The following MUC21 variants were observed in gnomAD, a reference collection of about 807,000 sequenced individuals.
MUC21 encodes mucin 21, cell surface associated, also known as mucin-21.
In MUC21, 8 loss-of-function variants were observed where a neutral mutation model predicts 9.1. The ratio of observed to expected loss-of-function variants is 0.88; its 90% CI spans 0.52 to 1.59. MUC21 has a LOEUF of 1.59. MUC21 is among the 40% of genes most tolerant of loss of function. MUC21 has a pLI of 0.00. For missense variants in MUC21, 478 were observed against 694.2 expected, an observed-to-expected ratio of 0.69 and a Z score of 3.50; for synonymous variants, 189 against 275.2, an observed-to-expected ratio of 0.69 and a Z score of 3.10.
Position 30,987,626 on chromosome 6 carries a change from C to A in MUC21, c.1451C>A (p.Thr484Asn), listed in dbSNP as rs368559008. The change falls in exon 2 of 3, where the codon ACC becomes AAC. Residue 484 changes from threonine to asparagine, a missense_variant. Physicochemically the swap from Thr to Asn is moderately conservative, Grantham distance 65. This residue lies in a region of MUC21 where 158 missense variants were observed against 192.6 expected (regional missense o/e 0.82). Coordinates refer to ENST00000376296, the MANE Select transcript of MUC21 (RefSeq NM_001010909.5). ...SLVPWEIFLITLVSVVAAVGL... is the reference protein window; with the variant it reads ...SLVPWEIFLINLVSVVAAVGL... ...GTGCCGTGGGAAATCTTCCTCATCACCCTGGTCTCGGTTGTGGCGGCCGTG... is the reference window on the plus strand; with the variant it reads ...GTGCCGTGGGAAATCTTCCTCATCAACCTGGTCTCGGTTGTGGCGGCCGTG... 7 of 1,614,218 alleles carry A rather than the reference C, an allele frequency of 4.3e-6. No homozygotes were observed. The South Asian group carries it at 5.5e-5, about 13-fold the overall frequency.
At chr6:30,984,252 A>G in intron 1 of MUC21, 1 of 477,792 alleles carries the variant, frequency 2.1e-6, no homozygotes, top group Non-Finnish European at 3.7e-6. Context: ...CCATCTATTA[A>G]CTGTGTACTT....
At chr6:30,984,712 C>T (rs1352129806) in intron 1 of MUC21, among the ~76,000 whole-genome samples, 1 of 151,806 alleles carries the variant, frequency 6.6e-6, no homozygotes, top group African/African-American at 2.4e-5. Flanking sequence ...CAGTGGCTCA[C>T]GCCTGTAATC....
intron 2 of MUC21, 149 bp from the exon 3 acceptor site, chr6:30,987,851 C>T (rs1352618340): frequency 1.4e-5 from 17 of 1,216,566 alleles, no homozygotes; most frequent in Middle Eastern, 2.4e-4. Context: ...TGCTGACCTG[C>T]GGGAAAAGGG....
chr6:30,984,104 G>C, intron 1 of MUC21, 85 bp downstream of exon 1: 1 of 746,338 alleles, frequency 1.3e-6, no homozygotes, highest in South Asian at 1.4e-5. Flanking sequence ...GGCCAGCTCT[G>C]CTTCTCTTCC....
In MUC21 at chr6:30,986,789, G is replaced by C; in HGVS notation, c.614G>C (p.Ser205Thr). 6.2e-7 allele frequency: 1 copy of C among 1,601,544 alleles called. No homozygotes were observed. The highest frequency in any genetic ancestry group is 1.7e-5 in the Admixed American group (1 of 59,142). ...AACTCTGAGTCCAGCACAACCTCCA[G>C]TGGGGCCAGCACAGCCACCAACTCT... ...ATNSESSTTS[S>T]GASTATNSES... The change falls in exon 2 of 3, where the codon AGT (serine) becomes ACT (threonine). Residue 205 changes from serine to threonine, a missense_variant. Coordinates refer to ENST00000376296, the MANE Select transcript of MUC21 (RefSeq NM_001010909.5).
chr6:30,985,328 G>A (rs9295938), intron 1 of MUC21, among the ~76,000 whole-genome samples: 19,016 of 152,148 alleles, frequency 0.12, 1,453 homozygotes, highest in East Asian at 0.34. Flanking sequence ...AGGGCCCCTG[G>A]AACTTGAATG....
intron 2 of MUC21, 48 bp from the exon 3 acceptor site, chr6:30,987,952 T>A: frequency 3.0e-6 from 3 of 987,478 alleles, no homozygotes; most frequent in Non-Finnish European, 4.9e-6. Context: ...GGTAAAGGCG[T>A]GGGAGACAGG....
rs750766231 is a variant in MUC21 at position 30,986,485 on chromosome 6, A to T, written c.310A>T (p.Ile104Leu). 9 of 1,601,544 alleles carry T rather than the reference A, an allele frequency of 5.6e-6. No individual in the cohort carries two copies. Among genetic ancestry groups the T allele is most frequent in the Middle Eastern group, 3.3e-4 (2 of 6,044 alleles). ...EFSTVSSGIS[I>L]ATNSESSTTS... is the part of the protein sequence containing the mutation. Reference sequence around the variant, plus strand: ...CAGCACAGTGTCCAGTGGGATCAGCATAGCCACCAACTCTGAGTCCAGCAC... The same window carrying T: ...CAGCACAGTGTCCAGTGGGATCAGCTTAGCCACCAACTCTGAGTCCAGCAC... Residue 104 changes from isoleucine to leucine, a missense_variant, in exon 2 of 3, where the codon ATA (isoleucine) becomes TTA (leucine). This residue lies in a region of MUC21 where 53 missense variants were observed against 139.1 expected (regional missense o/e 0.38). Transcript: ENST00000376296.
Position 30,986,856 on chromosome 6 carries a change from C to A in MUC21, c.681C>A (p.Asn227Lys), listed in dbSNP as rs1331154873. ...CCAATGGGGCTGGCACAGCCACCAA[C>A]TCTGAGTCCAGCACGACCTCCAGTG... Reference protein sequence around the residue: ...TTSNGAGTATNSESSTTSSGA... With the variant: ...TTSNGAGTATKSESSTTSSGA... The change falls in exon 2 of 3, where the codon AAC (asparagine) becomes AAA (lysine). Residue 227 changes from asparagine to lysine, a missense_variant. This residue lies in a region of MUC21 where 155 missense variants were observed against 235.2 expected (regional missense o/e 0.66). Coordinates refer to ENST00000376296, the MANE Select transcript of MUC21 (RefSeq NM_001010909.5). 3.1e-6 allele frequency: 5 copies of A among 1,590,204 alleles called. No homozygotes were observed. Among genetic ancestry groups the A allele is most frequent in the African/African-American group, 1.4e-5 (1 of 73,210 alleles).
rs1311307530 is a variant in MUC21 at position 30,986,701 on chromosome 6, G to A, written c.526G>A (p.Gly176Arg). ...TNSESSTTSS[G>R]ASTATNSESS... Reference sequence around the variant, plus strand: ...CTCTGAGTCCAGCACAACCTCCAGTGGGGCCAGCACAGCCACCAACTCTGA... The same window carrying A: ...CTCTGAGTCCAGCACAACCTCCAGTAGGGCCAGCACAGCCACCAACTCTGA... The change falls in exon 2 of 3, where the codon GGG (glycine) becomes AGG (arginine). Residue 176 changes from glycine to arginine, a missense_variant. Around this residue, in one of 5 missense-constraint regions of MUC21, gnomAD observed 53 missense variants for 139.1 expected, o/e 0.38. Transcript: ENST00000376296. 6.3e-7 allele frequency: 1 copy of A among 1,587,756 alleles called. No individual in the cohort carries two copies.
Position 30,987,996 on chromosome 6 carries a change from T to G in MUC21, c.1507-4T>G. ...TCTGAAACTATTGACTCTTCTTTTT[T>G]TAGAGAAACAGCCTGTCCCTGAGAA... On this transcript the variant is annotated splice_polypyrimidine_tract_variant and splice_region_variant and intron_variant, in intron 2 of 2. Transcript: ENST00000376296. 1 of 1,136,038 alleles carries G rather than the reference T, an allele frequency of 8.8e-7. No homozygotes were observed. The highest frequency in any genetic ancestry group is 1.3e-6 in the Non-Finnish European group (1 of 744,482). 70.4% of individuals were successfully genotyped at this position (1,136,038 alleles called of 1,614,324 possible).
intron 1 of MUC21, among the ~76,000 whole-genome samples, chr6:30,985,259 C>T (rs1445554647): frequency 6.6e-6 from 1 of 152,114 alleles, no homozygotes; most frequent in Non-Finnish European, 1.5e-5. Flanking sequence ...TTCCTGGGAG[C>T]TCTTATGTAT....
intron 1 of MUC21, among the ~76,000 whole-genome samples, chr6:30,984,601 C>T (rs187273357): frequency 1.3e-5 from 2 of 152,138 alleles, no homozygotes; most frequent in African/African-American, 2.4e-5. Flanking sequence ...ACCCGGGAGG[C>T]GGAGGTTGCA....
chr6:30,988,225 A>G lies in MUC21; in HGVS notation c.*31A>G, dbSNP rs772456928. The G allele has an allele frequency of 6.3e-7, 1 of 1,584,512 alleles. No individual in the cohort carries two copies. Among genetic ancestry groups the G allele is most frequent in the South Asian group, 1.1e-5 (1 of 88,416 alleles). On this transcript the variant is annotated 3_prime_UTR_variant, in exon 3 of 3. Transcript: ENST00000376296. ...CCCGGAAGCAAGTGCCGCATTCTTCAGGAAGGAAGAGACCTGGGCACCCAA... is the reference window on the plus strand; with the variant it reads ...CCCGGAAGCAAGTGCCGCATTCTTCGGGAAGGAAGAGACCTGGGCACCCAA...
chr6:30,988,182 C>A lies in MUC21; in HGVS notation c.1689C>A (p.Asn563Lys). The A allele has an allele frequency of 6.2e-7, 1 of 1,611,584 alleles. No homozygotes were observed. The change falls in exon 3 of 3, where the codon AAC becomes AAA. Residue 563 changes from asparagine to lysine, a missense_variant. Physicochemically the swap from Asn to Lys is moderately conservative, Grantham distance 94. This residue lies in a region of MUC21 where 158 missense variants were observed against 192.6 expected (regional missense o/e 0.82). Transcript: ENST00000376296. ...TAGCCATGGAGATGAGCGGGAGGAA[C>A]AGCGGGCCCTGAGCAGCCCCGGAAG... ...SSIAMEMSGR[N>K]SGP is the part of the protein sequence containing the mutation.
chr6:30,987,758 G>A lies in MUC21; in HGVS notation c.1506+77G>A. ...CAAGGAAATGGGTGTGAATAGAAGGGGTCTCAAGTCAGGGGTGGGTAGGGA... is the reference window on the plus strand; with the variant it reads ...CAAGGAAATGGGTGTGAATAGAAGGAGTCTCAAGTCAGGGGTGGGTAGGGA... On this transcript the variant is annotated intron_variant, in intron 2 of 2. Coordinates refer to ENST00000376296, the MANE Select transcript of MUC21 (RefSeq NM_001010909.5). The A allele has an allele frequency of 2.6e-6, 4 of 1,555,330 alleles. No individual in the cohort carries two copies. In the South Asian group the frequency reaches 4.9e-5, roughly 19 times the overall value.
At chr6:30,985,452 A>C (rs921019223) in intron 1 of MUC21, among the ~76,000 whole-genome samples, 3 of 152,244 alleles carry the variant, frequency 2.0e-5, no homozygotes, top group Non-Finnish European at 4.4e-5. Flanking sequence ...TGCTCCCTTA[A>C]GTAATTCTGA....
In MUC21 at chr6:30,988,220, T is replaced by C; in HGVS notation, c.*26T>C. On this transcript the variant is annotated 3_prime_UTR_variant, in exon 3 of 3. Transcript: ENST00000376296. ...GCAGCCCCGGAAGCAAGTGCCGCAT[T>C]CTTCAGGAAGGAAGAGACCTGGGCA... The C allele has an allele frequency of 6.3e-7, 1 of 1,593,920 alleles. No individual in the cohort carries two copies.
In MUC21 at chr6:30,988,517, CA is replaced by C. The variant is rs1417907846; in HGVS notation, c.*327del. ...TCCATGCTGGACTCCATCTGGCATT[CA>C]AAATCTCCACAGTAAAATCCAAAGA... is the stretch of plus-strand genomic sequence containing the variant. On this transcript the variant is annotated 3_prime_UTR_variant, in exon 3 of 3. Coordinates refer to ENST00000376296, the MANE Select transcript of MUC21 (RefSeq NM_001010909.5). 3.4e-6 allele frequency: 1 copy of C among 295,926 alleles called. No homozygotes were observed. Among genetic ancestry groups the C allele is most frequent in the Non-Finnish European group, 6.1e-6 (1 of 163,068 alleles). The allele number at this position is 295,926 out of a possible 1,614,324, so 18.3% of individuals were successfully genotyped here. A position where few individuals can be genotyped will look rare whatever the true frequency, so the allele number is the denominator to read the frequency against.
Sources: gnomAD v4.1 joint callset for allele counts (sites outside exome capture counted in the v4.1 genomes callset) on GRCh38, gnomAD v4.1.1 for gene constraint, gnomAD v4.1.1 regional missense constraint, MANE v1.5 for transcripts, NCBI Gene and HGNC (gene_info 2026-07-23, HGNC 2026-07-21) for gene names.